KMT2C: variants seen among roughly 807,000 people sequenced by gnomAD.
KMT2C encodes the protein histone-lysine N-methyltransferase 2C.
In KMT2C, 88 loss-of-function variants were observed where a neutral mutation model predicts 507.9. That is an observed-to-expected ratio of 0.17 (90% CI 0.15 to 0.21). KMT2C has a LOEUF of 0.21. Among genes scored for constraint, KMT2C ranks in the 10% least tolerant of loss-of-function variants. The probability of loss-of-function intolerance (pLI) is 1.00; values close to 1 mark genes in which losing one functional copy is unlikely to be tolerated. For synonymous variants in KMT2C, 2,049 were observed against 2,080.8 expected, an observed-to-expected ratio of 0.98 and a Z score of 0.42; for missense variants, 4,954 against 5,957.8, an observed-to-expected ratio of 0.83 and a Z score of 5.55.
At position 152,148,445 on chromosome 7, in the gene KMT2C, C is replaced by T. The variant is rs2129095268; in HGVS notation, c.13482G>A (p.Met4494Ile). The change falls in exon 52 of 59, where the codon ATG (methionine) becomes ATA (isoleucine). Residue 4494 changes from methionine to isoleucine, a missense_variant. This residue lies in a region of KMT2C where 221 missense variants were observed against 304.7 expected (regional missense o/e 0.73). Coordinates refer to ENST00000262189, the MANE Select transcript of KMT2C (RefSeq NM_170606.3). The surrounding 1 kb of genome is among the most constrained non-coding windows in gnomAD (Gnocchi z 7.1). ...HFTCAIKAQCMFFKDKTMLCP... is the reference protein window; with the variant it reads ...HFTCAIKAQCIFFKDKTMLCP... ...AAAGCATAGTTTTGTCCTTAAAAAA[C>T]ATGCATTGTGCTTTAATGGCGCAAG... 1 of 1,614,280 alleles carries T rather than the reference C, an allele frequency of 6.2e-7. No individual in the cohort carries two copies. Among genetic ancestry groups the T allele is most frequent in the Non-Finnish European group, 8.5e-7 (1 of 1,180,054 alleles).
intron 7 of KMT2C, 31 bp from the exon 8 acceptor site, chr7:152,265,240 T>C (rs753707518): frequency 1.2e-6 from 2 of 1,609,236 alleles, no homozygotes; most frequent in South Asian, 1.1e-5. Flanking sequence ...ATGAAATTGT[T>C]GTATAAGAAT....
At chr7:152,280,402 A>G (rs946406792) in intron 6 of KMT2C, among the ~76,000 whole-genome samples, 2 of 152,150 alleles carry the variant, frequency 1.3e-5, no homozygotes, top group African/African-American at 4.8e-5. Context: ...AAAAAAAAAA[A>G]TTAGCCGGCG....
intron 3 of KMT2C, 101 bp from the exon 4 acceptor site, chr7:152,315,439 A>G: frequency 3.9e-6 from 3 of 774,052 alleles, no homozygotes; most frequent in Non-Finnish European, 6.3e-6. Flanking sequence ...TTATGTCTAA[A>G]GCACAAGCTA....
intron 3 of KMT2C, among the ~76,000 whole-genome samples, chr7:152,322,525 C>A (rs1377756716): frequency 1.3e-5 from 2 of 152,004 alleles, no homozygotes; most frequent in Non-Finnish European, 2.9e-5. Flanking sequence ...AGAATAAAAT[C>A]ATACCCTTGT....
At chr7:152,183,505 T>C (rs1252712003) in intron 34 of KMT2C, among the ~76,000 whole-genome samples, 1 of 152,206 alleles carries the variant, frequency 6.6e-6, no homozygotes, top group East Asian at 1.9e-4. Context: ...CTCATGCTCG[T>C]AATCCCAGCA....
chr7:152,275,761 C>T (rs935674221), intron 6 of KMT2C, among the ~76,000 whole-genome samples: 3 of 152,076 alleles, frequency 2.0e-5, no homozygotes, highest in Non-Finnish European at 4.4e-5. Context: ...ACGTAAATGT[C>T]GAAAGGAAAA....
At chr7:152,205,395 CAA>C (rs35077313) in intron 24 of KMT2C, among the ~76,000 whole-genome samples, 170 bp from the exon 25 acceptor site, 15 of 57,164 alleles carry the variant, frequency 2.6e-4, no homozygotes, top group African/African-American at 4.8e-4. Context: ...TAAAAACGAC[CAA>C]AAAAAAAAAA....
In KMT2C at chr7:152,174,147, G is replaced by A. The variant is rs1172944883; in HGVS notation, c.9358C>T (p.Pro3120Ser). ...VMAQNNLGMPPMVMSRFPFMG... is the reference protein window; with the variant it reads ...VMAQNNLGMPSMVMSRFPFMG... The stretch of plus-strand genomic sequence containing the variant: ...TCCACCTACCTGCTCATCACCATTG[G>A]TGGCATGCCCAGATTGTTTTGTGCC... The change falls in exon 39 of 59, where the codon CCA (proline) becomes TCA (serine). Residue 3120 changes from proline to serine, a missense_variant. By Grantham distance (74) the Pro-to-Ser change is moderately conservative. Transcript: ENST00000262189. 1.9e-6 allele frequency: 3 copies of A among 1,602,048 alleles called. No homozygotes were observed. The highest frequency in any genetic ancestry group is 2.6e-6 in the Non-Finnish European group (3 of 1,172,354).
chr7:152,337,667 T>C (rs1050773425), intron 2 of KMT2C, among the ~76,000 whole-genome samples: 8 of 152,230 alleles, frequency 5.3e-5, no homozygotes, highest in Middle Eastern at 3.4e-3. Flanking sequence ...TTGCTCGTCA[T>C]TTAAGACAGA....
intron 26 of KMT2C, among the ~76,000 whole-genome samples, chr7:152,201,053 G>A (rs1377788386): frequency 6.6e-6 from 1 of 152,088 alleles, no homozygotes; most frequent in Admixed American, 6.5e-5. Flanking sequence ...AAGTTTAGAG[G>A]TCATTTATTT....
Position 152,362,903 on chromosome 7 carries a change from T to C in KMT2C, c.162-4228A>G, listed in dbSNP as rs1256435448. 3.3e-5 allele frequency among the ~76,000 whole-genome samples: 5 copies of C among 152,384 alleles called. No individual in the cohort carries two copies. The East Asian group carries it at 9.6e-4, about 29-fold the overall frequency. Reference sequence around the variant, plus strand: ...GCACTAGGAAGACATGCTTTTTACGTTGATCAATTCATCAGAATTCCTTTC... The same window carrying C: ...GCACTAGGAAGACATGCTTTTTACGCTGATCAATTCATCAGAATTCCTTTC... On this transcript the variant is annotated intron_variant, in intron 1 of 58. Coordinates refer to ENST00000262189, the MANE Select transcript of KMT2C (RefSeq NM_170606.3).
intron 1 of KMT2C, among the ~76,000 whole-genome samples, chr7:152,432,708 C>T (rs2097874687): frequency 6.6e-6 from 1 of 152,112 alleles, no homozygotes; most frequent in African/African-American, 2.4e-5. Flanking sequence ...TGACAAAATA[C>T]ACAAAAACAA....
chr7:152,261,694 A>G (rs1334703130), intron 9 of KMT2C, among the ~76,000 whole-genome samples: 2 of 152,224 alleles, frequency 1.3e-5, no homozygotes, highest in African/African-American at 2.4e-5. Flanking sequence ...TATAGTCTTA[A>G]ATGTCCTTTT....
intron 42 of KMT2C, among the ~76,000 whole-genome samples, chr7:152,166,320 C>T (rs765438707): frequency 4.6e-5 from 7 of 151,870 alleles, no homozygotes; most frequent in Non-Finnish European, 8.8e-5. Context: ...CGGGGTTTCA[C>T]CATGTTGGCC....
intron 3 of KMT2C, among the ~76,000 whole-genome samples, chr7:152,322,555 CAATT>C (rs545726107): frequency 2.0e-4 from 30 of 152,032 alleles, no homozygotes; most frequent in South Asian, 6.2e-4. Context: ...CACAAAAAAT[CAATT>C]CAAAATAGAT....
At position 152,134,940 on chromosome 7, in the gene KMT2C, A is replaced by G; in HGVS notation, c.*1892T>C. 4.6e-6 allele frequency: 1 copy of G among 218,664 alleles called. No individual in the cohort carries two copies. Among genetic ancestry groups the G allele is most frequent in the East Asian group, 6.7e-5 (1 of 14,858 alleles). The allele number at this position is 218,664 out of a possible 1,614,324, so 13.5% of individuals were successfully genotyped here. A position where few individuals can be genotyped will look rare whatever the true frequency, so the allele number is the denominator to read the frequency against. On this transcript the variant is annotated 3_prime_UTR_variant, in exon 59 of 59. Transcript: ENST00000262189. ...TAGGCAGCTCTTATAGATGTAAAAT[A>G]TTTTATTTGTAAATGGTGATCTTCT...
At position 152,148,223 on chromosome 7, in the gene KMT2C, T is replaced by C. The variant is rs529429661; in HGVS notation, c.13704A>G (p.Ala4568=). The change falls in exon 52 of 59, where the codon GCA becomes GCG. Residue 4568 remains alanine, a synonymous_variant. Coordinates refer to ENST00000262189, the MANE Select transcript of KMT2C (RefSeq NM_170606.3). The surrounding 1 kb of genome is among the most constrained non-coding windows in gnomAD (Gnocchi z 7.1). Reference sequence around the variant, plus strand: ...GGAAGAGTGCTTTAGGAGAATGGAATGCTTGCATCTGCTGTGGAAGCAGCT... The same window carrying C: ...GGAAGAGTGCTTTAGGAGAATGGAACGCTTGCATCTGCTGTGGAAGCAGCT... ...IGQLLPQQMQ[A]FHSPKALFPV... The C allele has an allele frequency of 6.2e-7, 1 of 1,614,242 alleles. No individual in the cohort carries two copies. Among genetic ancestry groups the C allele is most frequent in the African/African-American group, 1.3e-5 (1 of 75,072 alleles).
chr7:152,379,494 T>C (rs2097353622), intron 1 of KMT2C, among the ~76,000 whole-genome samples: 3 of 151,140 alleles, frequency 2.0e-5, no homozygotes, highest in Non-Finnish European at 4.4e-5. Context: ...GCCGAGATCA[T>C]GCCACTGCAC....
intron 1 of KMT2C, among the ~76,000 whole-genome samples, chr7:152,401,398 A>G (rs1262338894): frequency 6.6e-6 from 1 of 151,060 alleles, no homozygotes; most frequent in Non-Finnish European, 1.5e-5. Flanking sequence ...TTCAAGTATT[A>G]AAGTCATACC....
Sources: gnomAD v4.1 joint callset for allele counts (sites outside exome capture counted in the v4.1 genomes callset) on GRCh38, gnomAD v4.1.1 for gene constraint, gnomAD v4.1.1 regional missense constraint, Gnocchi (gnomAD v3.1) non-coding constraint, MANE v1.5 for transcripts, NCBI Gene and HGNC (gene_info 2026-07-23, HGNC 2026-07-21) for gene names.